The following CAMTA1 variants were observed in gnomAD, a reference collection of about 807,000 sequenced individuals.
CAMTA1 encodes calmodulin-binding transcription activator 1.
Under a neutral mutation model 170.9 loss-of-function variants are expected in CAMTA1, and 27 were observed. The observed-to-expected ratio is 0.16, with a 90% CI of 0.12 to 0.22. The LOEUF is 0.22. Among genes scored for constraint, CAMTA1 ranks in the 10% least tolerant of loss-of-function variants. CAMTA1 has a pLI of 1.00. For synonymous variants in CAMTA1, 833 were observed against 891.5 expected, an observed-to-expected ratio of 0.93 and a Z score of 1.17; for missense variants, 1,619 against 2,217.2, an observed-to-expected ratio of 0.73 and a Z score of 5.42.
intron 5 of CAMTA1, among the ~76,000 whole-genome samples, chr1:7,436,148 C>G (rs1357919141): frequency 6.6e-6 from 1 of 152,238 alleles, no homozygotes; most frequent in African/African-American, 2.4e-5. Flanking sequence ...GTCCCCCAGG[C>G]CCGGGGCTGC....
At chr1:7,612,940 C>T (rs964024501) in intron 6 of CAMTA1, among the ~76,000 whole-genome samples, 1 of 152,200 alleles carries the variant, frequency 6.6e-6, no homozygotes, top group African/African-American at 2.4e-5. Flanking sequence ...CCCAGGAGTC[C>T]CCATCACCCT....
chr1:7,310,866 G>A (rs374867610), intron 5 of CAMTA1, among the ~76,000 whole-genome samples: 3 of 151,548 alleles, frequency 2.0e-5, no homozygotes, highest in Non-Finnish European at 4.4e-5. Flanking sequence ...AAGTAGCTGG[G>A]ACTACAGGTG....
At position 7,641,570 on chromosome 1, in the gene CAMTA1, T is replaced by G. The variant is rs2095761390; in HGVS notation, c.664+1017T>G. On this transcript the variant is annotated intron_variant, in intron 7 of 22. Transcript: ENST00000303635. The surrounding 1 kb of genome is among the most constrained non-coding windows in gnomAD (Gnocchi z 4.5). ...GGTGATGCTAATCCTGAGAGTCCCC[T>G]GGGTGCTCGGATTTAGGGATCTGCT... Among the ~76,000 whole-genome samples, 1 of 152,126 alleles carries G rather than the reference T, an allele frequency of 6.6e-6. No homozygotes were observed. The highest frequency in any genetic ancestry group is 2.4e-5 in the African/African-American group (1 of 41,422).
intron 5 of CAMTA1, among the ~76,000 whole-genome samples, chr1:7,438,515 C>T (rs1365368476): frequency 1.3e-5 from 2 of 152,152 alleles, no homozygotes; most frequent in Non-Finnish European, 2.9e-5. Context: ...TATCCTCACC[C>T]TGAGGGCATC....
intron 11 of CAMTA1, among the ~76,000 whole-genome samples, chr1:7,703,740 G>A (rs2096468058): frequency 1.3e-5 from 2 of 152,174 alleles, no homozygotes; most frequent in Non-Finnish European, 1.5e-5. Context: ...CTCATCACAG[G>A]TCTTGGGGTC....
chr1:7,518,697 A>G (rs1274863687), intron 6 of CAMTA1, among the ~76,000 whole-genome samples: 2 of 151,904 alleles, frequency 1.3e-5, no homozygotes. Flanking sequence ...TTACAGCTCC[A>G]CTTAGCTGAC....
chr1:7,272,154 C>A (rs1003462672), intron 5 of CAMTA1, among the ~76,000 whole-genome samples: 1 of 151,828 alleles, frequency 6.6e-6, no homozygotes, highest in African/African-American at 2.4e-5. Flanking sequence ...ATAATAGCAT[C>A]AAGAAGAATA....
In CAMTA1 at chr1:7,109,896, G is replaced by A. The variant is rs1027810941; in HGVS notation, c.302+18525G>A. On this transcript the variant is annotated intron_variant, in intron 4 of 22. Transcript: ENST00000303635. ...GAGCACTCGGGGTCTGAAGCCCATC[G>A]TGGGATTAGCTTGACCTGATGGGGT... Among the ~76,000 whole-genome samples, 6 of 152,216 alleles carry A rather than the reference G, an allele frequency of 3.9e-5. No individual in the cohort carries two copies. The East Asian group carries it at 5.8e-4, about 15-fold the overall frequency.
At chr1:7,219,244 T>C (rs1470147875) in intron 4 of CAMTA1, 10 of 152,254 alleles carry the variant, frequency 6.6e-5, no homozygotes, top group South Asian at 4.1e-4. Flanking sequence ...AACGAGCCTT[T>C]TACTATTGTG....
intron 11 of CAMTA1, among the ~76,000 whole-genome samples, chr1:7,717,793 C>G (rs769659474): frequency 6.6e-6 from 1 of 152,060 alleles, no homozygotes; most frequent in African/African-American, 2.4e-5. Context: ...GAAGGAGCTG[C>G]TTTTAATAAC....
intron 11 of CAMTA1, among the ~76,000 whole-genome samples, chr1:7,722,351 T>C (rs2096654900): frequency 6.6e-6 from 1 of 152,206 alleles, no homozygotes; most frequent in African/African-American, 2.4e-5. Flanking sequence ...GGAAAAGATG[T>C]CCCATGACTG....
intron 3 of CAMTA1, among the ~76,000 whole-genome samples, chr1:6,879,752 C>T (rs1670958459): frequency 6.6e-6 from 1 of 151,924 alleles, no homozygotes; most frequent in Non-Finnish European, 1.5e-5. Flanking sequence ...CCTCAACCTC[C>T]CGAGTAGCTG....
At chr1:6,810,860 T>C (rs766096558) in intron 1 of CAMTA1, among the ~76,000 whole-genome samples, 1 of 151,890 alleles carries the variant, frequency 6.6e-6, no homozygotes, top group Non-Finnish European at 1.5e-5. Flanking sequence ...CATCATAAAG[T>C]TTGTCCTCCA....
chr1:7,706,427 A>G (rs936753075), intron 11 of CAMTA1, among the ~76,000 whole-genome samples: 3 of 152,232 alleles, frequency 2.0e-5, no homozygotes, highest in Non-Finnish European at 2.9e-5. Flanking sequence ...ACCTTGAGGA[A>G]CTGAAGTGTT....
At chr1:6,902,084 T>TAAAAAA (rs143405526) in intron 3 of CAMTA1, among the ~76,000 whole-genome samples, 107 of 105,044 alleles carry the variant, frequency 1.0e-3, no homozygotes, top group South Asian at 3.0e-3. Flanking sequence ...AAAAAAAAAA[T>TAAAAAA]AAAAATAAAA....
rs146001948 is a variant in CAMTA1 at position 7,236,362 on chromosome 1, A to G, written c.303-13129A>G. ...CCCTCCCCTTGCAACAAAAGGAAGA[A>G]CTACAATTTAAATCAGGCTCAGCCC... On this transcript the variant is annotated intron_variant, in intron 4 of 22. Transcript: ENST00000303635. Among the ~76,000 whole-genome samples the G allele has an allele frequency of 5.0e-3, 760 of 152,348 alleles. 15 individuals are homozygous for G. The highest frequency in any genetic ancestry group is 0.039 in the Admixed American group (593 of 15,304).
At chr1:6,959,475 C>T (rs948731840) in intron 3 of CAMTA1, among the ~76,000 whole-genome samples, 14 of 149,198 alleles carry the variant, frequency 9.4e-5, no homozygotes, top group African/African-American at 1.5e-4. Flanking sequence ...CAGTGTTTCC[C>T]GGGTGCCTAC....
chr1:7,552,193 C>G (rs114723458), intron 6 of CAMTA1, among the ~76,000 whole-genome samples: 90,914 of 151,654 alleles, frequency 0.6, 27,707 homozygotes, highest in South Asian at 0.68. Context: ...GCCACCACAC[C>G]CCCCCAGTGC....
At chr1:7,227,822 GTTTC>G (rs1661993695) in intron 4 of CAMTA1, among the ~76,000 whole-genome samples, 1 of 151,746 alleles carries the variant, frequency 6.6e-6, no homozygotes, top group Admixed American at 6.5e-5. Context: ...AGGAAGGGCT[GTTTC>G]TTCTAGCCCC....
Sources: gnomAD v4.1 joint callset for allele counts (sites outside exome capture counted in the v4.1 genomes callset) on GRCh38, gnomAD v4.1.1 for gene constraint, Gnocchi (gnomAD v3.1) non-coding constraint, MANE v1.5 for transcripts, NCBI Gene and HGNC (gene_info 2026-07-23, HGNC 2026-07-21) for gene names.